Variants in TULP4 observed in about 807,000 individuals in gnomAD.
TULP4 encodes tubby-related protein 4.
TULP4 carries 16 observed loss-of-function variants against 129.0 expected under a neutral mutation model. That is an observed-to-expected ratio of 0.12 (90% confidence interval 0.08 to 0.19). The LOEUF (loss-of-function observed/expected upper bound fraction) is 0.19, where lower values mean the gene tolerates loss of function less well. Among genes scored for constraint, TULP4 ranks in the 10% least tolerant of loss-of-function variants. The pLI is 1.00. For missense variants in TULP4, 1,842 were observed against 2,059.1 expected, an observed-to-expected ratio of 0.89 and a Z score of 2.04; for synonymous variants, 998 against 854.0, an observed-to-expected ratio of 1.17 and a Z score of -2.94.
At chr6:158,414,384 C>T (rs1778160030) in intron 2 of TULP4, among the ~76,000 whole-genome samples, 1 of 152,240 alleles carries the variant, frequency 6.6e-6, no homozygotes, top group South Asian at 2.1e-4. Flanking sequence ...AAATCCCACC[C>T]CATGACTTCT....
chr6:158,452,245 C>T lies in TULP4; in HGVS notation c.836C>T (p.Thr279Met), dbSNP rs370464480. 1.2e-5 allele frequency: 19 copies of T among 1,614,164 alleles called. No homozygotes were observed. Among genetic ancestry groups the T allele is most frequent in the Admixed American group, 3.3e-5 (2 of 60,022 alleles). The change falls in exon 5 of 14, where the codon ACG (threonine) becomes ATG (methionine). Residue 279 changes from threonine (T) to methionine (M), a missense_variant. By Grantham distance (81) the Thr-to-Met change is moderately conservative (BLOSUM62 -1). Coordinates refer to ENST00000367097, the MANE Select transcript of TULP4 (RefSeq NM_020245.5). ...LMNNYDDLSP[T>M]VIRSGLKEVV... Reference sequence around the variant, plus strand: ...AACAACTACGATGACTTGTCTCCCACGGTCATCCGCTCAGGGCTGAAAGGT... The same window carrying T: ...AACAACTACGATGACTTGTCTCCCATGGTCATCCGCTCAGGGCTGAAAGGT...
intron 1 of TULP4, among the ~76,000 whole-genome samples, chr6:158,384,734 A>G (rs886423985): frequency 6.6e-6 from 1 of 152,106 alleles, no homozygotes; most frequent in African/African-American, 2.4e-5. Flanking sequence ...ATGAGGAGTG[A>G]CTCCGTGTTA....
At chr6:158,496,153 C>T (rs1780333470) in intron 11 of TULP4, among the ~76,000 whole-genome samples, 1 of 152,236 alleles carries the variant, frequency 6.6e-6, no homozygotes, top group Admixed American at 6.5e-5. Context: ...AGCTGTGTTG[C>T]TCCCCGCATC....
In TULP4 at chr6:158,312,730, A is replaced by G. The variant is rs1779388630; in HGVS notation, c.-1287A>G. 1.3e-5 allele frequency: 2 copies of G among 152,202 alleles called. No individual in the cohort carries two copies. Among genetic ancestry groups the G allele is most frequent in the Admixed American group, 1.3e-4 (2 of 15,284 alleles). 9.4% of individuals were successfully genotyped at this position (152,202 alleles called of 1,614,324 possible). ...GATAATATTGTAAAATAGCAATTGA[A>G]ACCAATAATTATTAAATAAATATCA... On this transcript the variant is annotated 5_prime_UTR_variant, in exon 1 of 14. Transcript: ENST00000367097.
Position 158,479,929 on chromosome 6 carries a change from C to A in TULP4, c.1205C>A (p.Pro402His), listed in dbSNP as rs145013915. The A allele has an allele frequency of 3.1e-6, 5 of 1,610,996 alleles. No homozygotes were observed. The highest frequency in any genetic ancestry group is 2.2e-5 in the East Asian group (1 of 44,870). Residue 402 changes from proline (P) to histidine (H), a missense_variant, in exon 7 of 14, where the codon CCC becomes CAC. Transcript: ENST00000367097. ...DKDVSKLTLP[P>H]RLCSYLSTAF... ...GACGTCAGCAAGCTGACTCTGCCCC[C>A]CCGCCTCTGCTCCTACCTCTCCACT... is the stretch of plus-strand genomic sequence containing the variant.
At chr6:158,336,395 T>C (rs906547768) in intron 1 of TULP4, among the ~76,000 whole-genome samples, 1 of 152,012 alleles carries the variant, frequency 6.6e-6, no homozygotes, top group Non-Finnish European at 1.5e-5. Flanking sequence ...CTTTGCTTAG[T>C]GTATTTTTTG....
intron 1 of TULP4, among the ~76,000 whole-genome samples, chr6:158,273,133 A>G (rs1228997123): frequency 6.6e-6 from 1 of 152,240 alleles, no homozygotes; most frequent in African/African-American, 2.4e-5. Flanking sequence ...CTTCACACAG[A>G]CAGTGTTGCC....
chr6:158,370,940 A>C (rs912302009), intron 1 of TULP4, among the ~76,000 whole-genome samples: 10 of 152,204 alleles, frequency 6.6e-5, no homozygotes, highest in African/African-American at 2.2e-4. Flanking sequence ...CCTGCAAGTG[A>C]GCTGAAATCG....
chr6:158,278,380 A>G (rs1296319384), upstream of TULP4, among the ~76,000 whole-genome samples: 1 of 151,076 alleles, frequency 6.6e-6, no homozygotes, highest in Non-Finnish European at 1.5e-5. Flanking sequence ...TGTAGAAGAA[A>G]ATACTAGTTT....
At chr6:158,473,727 G>A (rs560194334) in intron 6 of TULP4, among the ~76,000 whole-genome samples, 8 of 152,174 alleles carry the variant, frequency 5.3e-5, no homozygotes, top group African/African-American at 1.9e-4. Flanking sequence ...CACCATGTTG[G>A]TCAGGCTGGT....
At position 158,387,152 on chromosome 6, in the gene TULP4, T is replaced by C. The variant is rs534841266; in HGVS notation, c.253-25913T>C. Among the ~76,000 whole-genome samples the C allele has an allele frequency of 3.3e-5, 5 of 152,242 alleles. No homozygotes were observed. In the South Asian group the frequency reaches 1.0e-3, roughly 32 times the overall value. Reference sequence around the variant, plus strand: ...TGTGGCCCAGGGACCACAGCAGCACTGTAAGTGTGATGGCTGTTTTTATAG... The same window carrying C: ...TGTGGCCCAGGGACCACAGCAGCACCGTAAGTGTGATGGCTGTTTTTATAG... On this transcript the variant is annotated intron_variant, in intron 1 of 13. Transcript: ENST00000367097.
At chr6:158,250,161 T>C (rs1364029165) in intron 1 of TULP4, among the ~76,000 whole-genome samples, 1 of 151,248 alleles carries the variant, frequency 6.6e-6, no homozygotes, top group African/African-American at 2.4e-5. Context: ...TCTTTTCTTT[T>C]TTTTTTTTTT....
chr6:158,418,375 T>C (rs1778261930), intron 2 of TULP4, among the ~76,000 whole-genome samples: 1 of 151,268 alleles, frequency 6.6e-6, no homozygotes, highest in Non-Finnish European at 1.5e-5. Flanking sequence ...CCCAAAGTGC[T>C]GGAATTGCAG....
intron 1 of TULP4, among the ~76,000 whole-genome samples, chr6:158,411,258 CTG>C (rs1396759921): frequency 2.6e-5 from 4 of 151,664 alleles, no homozygotes; most frequent in African/African-American, 4.9e-5. Flanking sequence ...TTCATAATTG[CTG>C]TGTGTCAGTA....
At chr6:158,261,858 G>A (rs924844426) in intron 1 of TULP4, among the ~76,000 whole-genome samples, 1 of 152,074 alleles carries the variant, frequency 6.6e-6, no homozygotes. Context: ...ATCACACCAT[G>A]ACCAGGCAGG....
intron 6 of TULP4, among the ~76,000 whole-genome samples, chr6:158,469,643 A>G (rs1037669541): frequency 6.6e-6 from 1 of 151,952 alleles, no homozygotes; most frequent in Non-Finnish European, 1.5e-5. Context: ...GGGATGAGGG[A>G]CTAGAACTGA....
chr6:158,322,786 C>T lies in TULP4; in HGVS notation c.252+8518C>T, dbSNP rs189603568. Among the ~76,000 whole-genome samples the T allele has an allele frequency of 1.5e-3, 225 of 152,264 alleles. 1 individual carries two copies. Among genetic ancestry groups the T allele is most frequent in the Non-Finnish European group, 2.5e-3 (170 of 68,026 alleles). On this transcript the variant is annotated intron_variant, in intron 1 of 13. Transcript: ENST00000367097. ...GGGCAAGAGAAGTCCCAGCTTATAC[C>T]TCATGGAATCTACAGTCTAGCATGA...
chr6:158,472,326 A>G (rs929998367), intron 6 of TULP4, among the ~76,000 whole-genome samples: 5 of 152,158 alleles, frequency 3.3e-5, no homozygotes, highest in African/African-American at 1.2e-4. Flanking sequence ...AATTTAAACT[A>G]TTTGAGCTCA....
intron 1 of TULP4, among the ~76,000 whole-genome samples, chr6:158,303,041 G>A (rs1779157015): frequency 6.8e-6 from 1 of 148,044 alleles, no homozygotes; most frequent in Non-Finnish European, 1.5e-5. Flanking sequence ...ATCAGACCCA[G>A]TATCTAGTAG....
Sources: gnomAD v4.1 joint callset for allele counts (sites outside exome capture counted in the v4.1 genomes callset) on GRCh38, gnomAD v4.1.1 for gene constraint, MANE v1.5 for transcripts, NCBI Gene and HGNC (gene_info 2026-07-23, HGNC 2026-07-21) for gene names.